Variants in IL1RAPL1 observed in about 807,000 individuals in gnomAD.
IL1RAPL1 encodes the protein interleukin 1 receptor accessory protein like 1.
In IL1RAPL1, 3 loss-of-function variants were observed where a neutral mutation model predicts 48.4. The ratio of observed to expected loss-of-function variants is 0.06; its 90% CI spans 0.03 to 0.16. The LOEUF (loss-of-function observed/expected upper bound fraction) is 0.16. IL1RAPL1 is among the 10% of genes least tolerant of loss of function. The pLI is 1.00. For synonymous variants in IL1RAPL1, 185 were observed against 187.7 expected (o/e 0.99, Z 0.12); for missense variants, 349 against 530.6 (o/e 0.66, Z 3.36).
intron 6 of IL1RAPL1, among the ~76,000 whole-genome samples, chrX:29,885,125 C>G (rs972231338): frequency 1.8e-5 from 2 of 111,624 alleles, no homozygotes; most frequent in African/African-American, 3.3e-5. Flanking sequence ...TCTGACATGC[C>G]AAGCACACTT....
At chrX:29,135,946 A>G (rs915899856) in intron 2 of IL1RAPL1, among the ~76,000 whole-genome samples, 7 of 110,606 alleles carry the variant, frequency 6.3e-5, no homozygotes, top group African/African-American at 2.3e-4. Flanking sequence ...CATGTTGGCC[A>G]GGCTGGTCTC....
Position 28,783,572 on chromosome X carries a change from G to T in IL1RAPL1, c.-24-5748G>T, listed in dbSNP as rs530199794. Among the ~76,000 whole-genome samples the T allele has an allele frequency of 2.6e-4, 29 of 111,304 alleles. No individual in the cohort carries two copies. The South Asian group carries it at 0.01, about 40-fold the overall frequency. ...CAATTTAGAAAAAAATTATCTTGGT[G>T]ACCTAAAACTTGTTTTCGATGATCT... On this transcript the variant is annotated intron_variant, in intron 1 of 10. Transcript: ENST00000378993.
intron 2 of IL1RAPL1, among the ~76,000 whole-genome samples, chrX:28,817,629 A>G (rs1480127765): frequency 9.0e-6 from 1 of 111,378 alleles, no homozygotes; most frequent in East Asian, 2.8e-4. Context: ...TTAAACAAGA[A>G]TACCCAAGCT....
chrX:29,955,561 T>C lies in IL1RAPL1; in HGVS notation c.1832T>C (p.Phe611Ser), dbSNP rs1471452070. Residue 611 changes from phenylalanine to serine, a missense_variant, in exon 11 of 11, where the codon TTT becomes TCT. This residue lies in a region of IL1RAPL1 where 65 missense variants were observed against 79.6 expected (regional missense o/e 0.82). Transcript: ENST00000378993. ...ATAHPDLRSTFHNTYHSQMRQ... is the reference protein window; with the variant it reads ...ATAHPDLRSTSHNTYHSQMRQ... ...GCCCATCCAGATCTCCGTTCTACCTTTCACAACACGTACCATTCACAAATG... is the reference window on the plus strand; with the variant it reads ...GCCCATCCAGATCTCCGTTCTACCTCTCACAACACGTACCATTCACAAATG... 1.7e-6 allele frequency: 2 copies of C among 1,207,410 alleles called. No individual in the cohort carries two copies. The highest frequency in any genetic ancestry group is 2.2e-6 in the Non-Finnish European group (2 of 893,075).
intron 6 of IL1RAPL1, among the ~76,000 whole-genome samples, chrX:29,873,498 G>A (rs1364080909): frequency 9.1e-6 from 1 of 110,443 alleles, no homozygotes; most frequent in Non-Finnish European, 1.9e-5. Context: ...CGTAAAAGAG[G>A]CCCAAGGGAG....
At chrX:28,888,916 C>T (rs933029223) in intron 2 of IL1RAPL1, among the ~76,000 whole-genome samples, 1 of 110,415 alleles carries the variant, frequency 9.1e-6, no homozygotes, top group Non-Finnish European at 1.9e-5. Flanking sequence ...TACCTGTTTC[C>T]CAAAGAATCT....
At chrX:29,461,648 G>T (rs1424632645) in intron 5 of IL1RAPL1, among the ~76,000 whole-genome samples, 1 of 111,418 alleles carries the variant, frequency 9.0e-6, no homozygotes, top group Admixed American at 9.6e-5. Flanking sequence ...AACAAAATAT[G>T]ATATAGGCAT....
At chrX:28,999,735 C>T (rs1458554107) in intron 2 of IL1RAPL1, among the ~76,000 whole-genome samples, 1 of 111,964 alleles carries the variant, frequency 8.9e-6, no homozygotes, top group Non-Finnish European at 1.9e-5. Context: ...AAACTGCTTA[C>T]AATGTTTTTA....
chrX:28,786,466 AAAAC>A (rs768829007), intron 1 of IL1RAPL1, among the ~76,000 whole-genome samples: 7 of 111,654 alleles, frequency 6.3e-5, no homozygotes, highest in East Asian at 2.8e-4. Flanking sequence ...CTCTGTCTCA[AAAAC>A]AAACAAACAA....
chrX:29,035,603 T>C (rs1926715225), intron 2 of IL1RAPL1, among the ~76,000 whole-genome samples: 1 of 110,450 alleles, frequency 9.1e-6, no homozygotes, highest in African/African-American at 3.3e-5. Context: ...ATCGCACCAC[T>C]GCACTCCAGC....
chrX:29,927,613 C>A (rs1414542370), intron 8 of IL1RAPL1, among the ~76,000 whole-genome samples: 1 of 111,526 alleles, frequency 9.0e-6, no homozygotes, highest in Non-Finnish European at 1.9e-5. Flanking sequence ...CTATTTATCT[C>A]ATTTTTTAAA....
intron 2 of IL1RAPL1, among the ~76,000 whole-genome samples, chrX:28,796,191 T>C (rs1290813399): frequency 2.7e-5 from 3 of 111,900 alleles, no homozygotes; most frequent in African/African-American, 9.8e-5. Context: ...CAGGTGGGAA[T>C]TGTGGGAGTT....
At chrX:29,536,323 C>T (rs1451751152) in intron 5 of IL1RAPL1, among the ~76,000 whole-genome samples, 1 of 111,636 alleles carries the variant, frequency 9.0e-6, no homozygotes, top group African/African-American at 3.3e-5. Flanking sequence ...AAAATCTATT[C>T]ATGACATGTC....
chrX:29,137,251 C>G (rs1256411371), intron 2 of IL1RAPL1, among the ~76,000 whole-genome samples: 1 of 50,653 alleles, frequency 2.0e-5, no homozygotes, highest in Non-Finnish European at 3.4e-5. Flanking sequence ...CACACACACA[C>G]TTGCGCTCAC....
At chrX:29,591,106 TG>T (rs1923356641) in intron 5 of IL1RAPL1, among the ~76,000 whole-genome samples, 1 of 111,294 alleles carries the variant, frequency 9.0e-6, no homozygotes, top group South Asian at 3.8e-4. Context: ...TTCAGAGCAG[TG>T]GGAGGGGAGA....
intron 3 of IL1RAPL1, among the ~76,000 whole-genome samples, chrX:29,366,295 G>T (rs1174673383): frequency 9.1e-6 from 1 of 109,873 alleles, no homozygotes; most frequent in Non-Finnish European, 1.9e-5. Flanking sequence ...AAGTAGTTTG[G>T]GATAACTGTA....
chrX:28,694,763 A>T (rs1175625228), intron 1 of IL1RAPL1, among the ~76,000 whole-genome samples: 1 of 111,982 alleles, frequency 8.9e-6, no homozygotes, highest in African/African-American at 3.2e-5. Flanking sequence ...ATCTTATTTA[A>T]TTGACAGATT....
chrX:28,763,632 A>G (rs1334717077), intron 1 of IL1RAPL1, among the ~76,000 whole-genome samples: 2 of 111,643 alleles, frequency 1.8e-5, no homozygotes, highest in Non-Finnish European at 3.8e-5. Flanking sequence ...TACTTACCTC[A>G]GAATCAATGA....
chrX:29,761,504 T>A (rs5972875), intron 6 of IL1RAPL1, among the ~76,000 whole-genome samples: 17,711 of 111,186 alleles, frequency 0.16, 1,550 homozygotes, highest in African/African-American at 0.34. Flanking sequence ...TTATTGAATC[T>A]AAAAAAAAGT....
Sources: gnomAD v4.1 joint callset for allele counts (sites outside exome capture counted in the v4.1 genomes callset) on GRCh38, gnomAD v4.1.1 for gene constraint, gnomAD v4.1.1 regional missense constraint, MANE v1.5 for transcripts, NCBI Gene and HGNC (gene_info 2026-07-23, HGNC 2026-07-21) for gene names.